NF1: variants seen among roughly 807,000 people sequenced by gnomAD.
NF1 encodes the protein neurofibromin 1.
A neutral mutation model predicts 325.7 loss-of-function variants in NF1; 122 were observed. That is an observed-to-expected ratio of 0.37 (90% confidence interval 0.32 to 0.44). The LOEUF (loss-of-function observed/expected upper bound fraction) is 0.44. Among genes scored for constraint, NF1 ranks in the 20% least tolerant of loss-of-function variants. The probability of loss-of-function intolerance (pLI) is 1.00; values close to 1 mark genes in which losing one functional copy is unlikely to be tolerated. For synonymous variants in NF1, 1,091 were observed against 1,186.0 expected, an observed-to-expected ratio of 0.92 and a Z score of 1.65; for missense variants, 2,140 against 3,415.4, an observed-to-expected ratio of 0.63 and a Z score of 9.31.
rs886052791 is a variant in NF1, at chr17:31,095,137, C to G, written c.-173C>G. 1.1e-4 allele frequency: 58 copies of G among 540,692 alleles called. No homozygotes were observed. Among genetic ancestry groups the G allele is most frequent in the East Asian group, 1.4e-4 (4 of 29,496 alleles). 33.5% of individuals were successfully genotyped at this position (540,692 alleles called of 1,614,324 possible). On this transcript the variant is annotated 5_prime_UTR_variant, in exon 1 of 58. Coordinates refer to ENST00000358273, the MANE Select transcript of NF1 (RefSeq NM_001042492.3). ...GCCAACGCCCCCTTTCCCTCTCCCC[C>G]TCCCGCTCGGCGCTGACCCCCCATC...
At chr17:31,116,785 AG>A (rs1913953418) in intron 1 of NF1, among the ~76,000 whole-genome samples, 2 of 151,072 alleles carry the variant, frequency 1.3e-5, no homozygotes, top group Non-Finnish European at 2.9e-5. Context: ...CTCCTGCCTC[AG>A]CCTCCCGAGT....
At chr17:31,231,911 A>T (rs1327362919) in intron 24 of NF1, among the ~76,000 whole-genome samples, 162 bp from the exon 25 acceptor site, 1 of 152,158 alleles carries the variant, frequency 6.6e-6, no homozygotes, top group Non-Finnish European at 1.5e-5. Flanking sequence ...TGGGATCTGC[A>T]TATTAACTCA....
At chr17:31,308,776 C>A (rs1317110440) in intron 36 of NF1, among the ~76,000 whole-genome samples, 1 of 151,652 alleles carries the variant, frequency 6.6e-6, no homozygotes, top group East Asian at 1.9e-4. Context: ...CCAAACAGAT[C>A]AGTCATTTAC....
At chr17:31,267,374 G>A (rs191714945) in intron 36 of NF1, among the ~76,000 whole-genome samples, 1 of 152,308 alleles carries the variant, frequency 6.6e-6, no homozygotes, top group Admixed American at 6.5e-5. Context: ...GTAAATTTGA[G>A]ATTTTCTTTT....
At position 31,304,955 on chromosome 17, in the gene NF1, T is replaced by C. The variant is rs140384150; in HGVS notation, c.4836-20865T>C. ...CATTTCCAAAGTACAATGATGATTA[T>C]AGCTACCAACATAGAAGTCAGAAGT... On this transcript the variant is annotated intron_variant, in intron 36 of 57. Coordinates refer to ENST00000358273, the MANE Select transcript of NF1 (RefSeq NM_001042492.3). 2.3e-4 allele frequency: 375 copies of C among 1,614,156 alleles called. 1 individual carries two copies. Among genetic ancestry groups the C allele is most frequent in the Admixed American group, 4.5e-4 (27 of 60,028 alleles).
chr17:31,354,214 T>C (rs985376219), intron 51 of NF1, among the ~76,000 whole-genome samples: 1 of 152,176 alleles, frequency 6.6e-6, no homozygotes, highest in Non-Finnish European at 1.5e-5. Context: ...TAAAATGATA[T>C]GTCTTGATGG....
intron 45 of NF1, 79 bp downstream of exon 45, chr17:31,338,218 C>T (rs904639478): frequency 2.6e-5 from 27 of 1,053,396 alleles, no homozygotes; most frequent in African/African-American, 2.2e-4. Flanking sequence ...TTCTAAAAGA[C>T]GTTTAAATTT....
intron 36 of NF1, among the ~76,000 whole-genome samples, chr17:31,269,242 A>G (rs2067847808): frequency 6.6e-6 from 1 of 152,162 alleles, no homozygotes; most frequent in African/African-American, 2.4e-5. Flanking sequence ...CTCCCTGTAT[A>G]AAGTCCAAGT....
intron 3 of NF1, among the ~76,000 whole-genome samples, chr17:31,160,556 G>A (rs982570282): frequency 2.6e-5 from 4 of 152,186 alleles, no homozygotes; most frequent in East Asian, 1.9e-4. Flanking sequence ...TGGAGTGAAA[G>A]AGCAAAAGAG....
In NF1 at chr17:31,374,667, T is replaced by C; in HGVS notation, c.*512T>C. On this transcript the variant is annotated 3_prime_UTR_variant, in exon 58 of 58. Transcript: ENST00000358273. ...TAGCTGTGGACTTTTTTTTTAACCG[T>C]ACAAAACTGAAAGAACCATAGAGGT... is the stretch of plus-strand genomic sequence containing the variant. 1 of 240,614 alleles carries C rather than the reference T, an allele frequency of 4.2e-6. No individual in the cohort carries two copies. The highest frequency in any genetic ancestry group is 1.3e-4 in the South Asian group (1 of 7,966). 14.9% of individuals were successfully genotyped at this position (240,614 alleles called of 1,614,324 possible). A position where few individuals can be genotyped will look rare whatever the true frequency, so the allele number is the denominator to read the frequency against.
chr17:31,336,229 A>T lies in NF1; in HGVS notation c.6007-104A>T. 1 of 1,276,580 alleles carries T rather than the reference A, an allele frequency of 7.8e-7. No individual in the cohort carries two copies. Among genetic ancestry groups the T allele is most frequent in the South Asian group, 1.3e-5 (1 of 76,620 alleles). 79.1% of individuals were successfully genotyped at this position (1,276,580 alleles called of 1,614,324 possible). On this transcript the variant is annotated intron_variant, in intron 40 of 57. Coordinates refer to ENST00000358273, the MANE Select transcript of NF1 (RefSeq NM_001042492.3). This position sits in a 1 kb window ranked among gnomAD's most constrained non-coding sequence, Gnocchi z 5.5. Reference sequence around the variant, plus strand: ...TCTAGTATTTTTGAGGCCTCAGGTAAAATAGAATTTTCATATTGATTAGGC... The same window carrying T: ...TCTAGTATTTTTGAGGCCTCAGGTATAATAGAATTTTCATATTGATTAGGC...
At chr17:31,355,643 A>G (rs1021358883) in intron 51 of NF1, among the ~76,000 whole-genome samples, 2 of 152,186 alleles carry the variant, frequency 1.3e-5, no homozygotes, top group Non-Finnish European at 2.9e-5. Flanking sequence ...TGAGCCCAGG[A>G]GTTCGAGACC....
At chr17:31,296,128 A>G (rs2068459072) in intron 36 of NF1, 1 of 1,610,936 alleles carries the variant, frequency 6.2e-7, no homozygotes, top group South Asian at 1.1e-5. Flanking sequence ...TATGCAGATC[A>G]GTAAAGTGGT....
intron 14 of NF1, 185 bp downstream of exon 14, chr17:31,219,303 C>T (rs537882493): frequency 2.1e-5 from 11 of 514,660 alleles, no homozygotes; most frequent in Non-Finnish European, 3.8e-5. Flanking sequence ...TGCTTTGTAT[C>T]ACATAGCAAT....
At position 31,150,208 on chromosome 17, in the gene NF1, T is replaced by C. The variant is rs73273519; in HGVS notation, c.61-5775T>C. On this transcript the variant is annotated intron_variant, in intron 1 of 57. Transcript: ENST00000358273. ...CCTAATCTGAAATGAGCATTTCCTT[T>C]GAGAGTCATGTTGTTGATCAACAAG... 7.8e-3 allele frequency among the ~76,000 whole-genome samples: 1,190 copies of C among 152,298 alleles called. 21 individuals carry two copies. The highest frequency in any genetic ancestry group is 0.027 in the African/African-American group (1,140 of 41,558).
At chr17:31,248,854 G>C in intron 29 of NF1, 130 bp from the exon 30 acceptor site, 1 of 804,024 alleles carries the variant, frequency 1.2e-6, no homozygotes, top group Non-Finnish European at 2.0e-6. Context: ...ATAGTTGGTT[G>C]TTTAAAGATT....
chr17:31,355,495 A>G (rs776987329), intron 51 of NF1, among the ~76,000 whole-genome samples: 6 of 152,096 alleles, frequency 3.9e-5, no homozygotes, highest in Non-Finnish European at 8.8e-5. Flanking sequence ...TAGACTTTGT[A>G]TTTCTCAAGT....
At chr17:31,163,110 G>A in intron 3 of NF1, 76 bp from the exon 4 acceptor site, 1 of 1,454,548 alleles carries the variant, frequency 6.9e-7, no homozygotes, top group Non-Finnish European at 9.5e-7. Context: ...CTGTGTGTGT[G>A]TTTGAAAATT....
intron 47 of NF1, among the ~76,000 whole-genome samples, chr17:31,342,706 G>C (rs1357505488): frequency 6.6e-6 from 1 of 152,208 alleles, no homozygotes; most frequent in Non-Finnish European, 1.5e-5. Flanking sequence ...TGGATGCTAG[G>C]CATCAGAGTT....
Sources: gnomAD v4.1 joint callset for allele counts (sites outside exome capture counted in the v4.1 genomes callset) on GRCh38, gnomAD v4.1.1 for gene constraint, Gnocchi (gnomAD v3.1) non-coding constraint, MANE v1.5 for transcripts, NCBI Gene and HGNC (gene_info 2026-07-23, HGNC 2026-07-21) for gene names.